PCDHGB3: variants seen among roughly 807,000 people sequenced by gnomAD.
PCDHGB3 encodes the protein protocadherin gamma subfamily B, 3.
PCDHGB3 carries 40 observed loss-of-function variants against 59.2 expected under a neutral mutation model. That is an observed-to-expected ratio of 0.68 (90% CI 0.52 to 0.88). The LOEUF is 0.88. Among genes scored for constraint, PCDHGB3 ranks in the 40% least tolerant of loss-of-function variants. The pLI is 0.00. For synonymous variants in PCDHGB3, 581 were observed against 503.6 expected, an observed-to-expected ratio of 1.15 and a Z score of -2.06; for missense variants, 1,309 against 1,187.9, an observed-to-expected ratio of 1.10 and a Z score of -1.50.
Position 141,458,657 on chromosome 5 carries a change from C to T in PCDHGB3, c.2416-36150C>T, listed in dbSNP as rs1214452360. On this transcript the variant is annotated intron_variant, in intron 1 of 3. Coordinates refer to ENST00000576222, the MANE Select transcript of PCDHGB3 (RefSeq NM_018924.5). ...CAATCCCAGCTCACTGCAACCTCCA[C>T]CTCTCGGGTTCAAGCAATTCTACTG... Among the ~76,000 whole-genome samples, 6 of 152,276 alleles carry T rather than the reference C, an allele frequency of 3.9e-5. No homozygotes were observed. In the East Asian group the frequency reaches 9.6e-4, roughly 24 times the overall value.
chr5:141,440,451 A>G (rs2098179077), intron 1 of PCDHGB3: 1 of 152,230 alleles, frequency 6.6e-6, no homozygotes, highest in Non-Finnish European at 1.5e-5. Flanking sequence ...CATCTCAAAA[A>G]AAATGAACAA....
intron 1 of PCDHGB3, among the ~76,000 whole-genome samples, chr5:141,443,866 T>C (rs1017854695): frequency 6.6e-6 from 1 of 151,986 alleles, no homozygotes; most frequent in Non-Finnish European, 1.5e-5. Context: ...ACTGAAAAAA[T>C]TACTGATAAG....
At chr5:141,409,988 GC>G in intron 1 of PCDHGB3, 1 of 1,613,278 alleles carries the variant, frequency 6.2e-7, no homozygotes, top group Non-Finnish European at 8.5e-7. Flanking sequence ...AGCGGTGGAC[GC>G]CGACTCGGGA....
At chr5:141,383,218 A>C in intron 1 of PCDHGB3, 1 of 1,614,020 alleles carries the variant, frequency 6.2e-7, no homozygotes, top group Non-Finnish European at 8.5e-7. Context: ...GGTAAACTTT[A>C]ACATCCTGAT....
intron 1 of PCDHGB3, chr5:141,415,605 G>T: frequency 1.2e-6 from 2 of 1,613,122 alleles, no homozygotes; most frequent in Non-Finnish European, 1.7e-6. Flanking sequence ...ATACCCCATT[G>T]GTTCCAGTGA....
At position 141,388,660 on chromosome 5, in the gene PCDHGB3, C is replaced by A. The variant is rs762083225; in HGVS notation, c.2415+15851C>A. 5.0e-6 allele frequency: 8 copies of A among 1,613,714 alleles called. No individual in the cohort carries two copies. The South Asian group carries it at 8.8e-5, about 18-fold the overall frequency. On this transcript the variant is annotated intron_variant, in intron 1 of 3. Transcript: ENST00000576222. Reference sequence around the variant, plus strand: ...CTTTCAGAAAACGTGTACCCGGGGACCACGGTGCTACAGGTGACTGCCACG... The same window carrying A: ...CTTTCAGAAAACGTGTACCCGGGGAACACGGTGCTACAGGTGACTGCCACG...
At chr5:141,389,500 C>A in intron 1 of PCDHGB3, 1 of 1,613,056 alleles carries the variant, frequency 6.2e-7, no homozygotes, top group Non-Finnish European at 8.5e-7. Context: ...GGCTCGCCAG[C>A]GCTCAGCGCG....
intron 1 of PCDHGB3, among the ~76,000 whole-genome samples, chr5:141,425,048 T>C (rs1590618422): frequency 6.6e-6 from 1 of 152,350 alleles, no homozygotes; most frequent in African/African-American, 2.4e-5. Flanking sequence ...AAACTGACTA[T>C]CTAGGGCTCG....
chr5:141,403,442 G>A, intron 1 of PCDHGB3: 2 of 1,614,024 alleles, frequency 1.2e-6, no homozygotes, highest in Admixed American at 1.7e-5. Flanking sequence ...GGATGTTGGC[G>A]TGAACTCCCT....
At chr5:141,410,722 ATCC>A (rs2154543211) in intron 1 of PCDHGB3, 21 of 1,396,054 alleles carry the variant, frequency 1.5e-5, no homozygotes, top group Non-Finnish European at 2.0e-5. Context: ...TATGTTTAAA[ATCC>A]ATAGCTTTTT....
chr5:141,503,440 C>A (rs1185892958), intron 2 of PCDHGB3, among the ~76,000 whole-genome samples: 2 of 151,694 alleles, frequency 1.3e-5, no homozygotes, highest in African/African-American at 4.8e-5. Context: ...ACTAAAAATA[C>A]AAAAATTCGC....
intron 1 of PCDHGB3, chr5:141,375,214 C>A: frequency 6.2e-7 from 1 of 1,613,928 alleles, no homozygotes. Flanking sequence ...GAGACTCTGG[C>A]CTGAATGGCC....
intron 1 of PCDHGB3, chr5:141,379,738 A>T (rs1218280067): frequency 1.3e-5 from 2 of 152,158 alleles, no homozygotes; most frequent in Non-Finnish European, 2.9e-5. Flanking sequence ...GTTATGGCTA[A>T]ATGAGGTTCT....
chr5:141,490,030 C>G lies in PCDHGB3; in HGVS notation c.2416-4777C>G, dbSNP rs1361758608. The G allele has an allele frequency of 1.2e-6, 2 of 1,614,150 alleles. No individual in the cohort carries two copies. Among genetic ancestry groups the G allele is most frequent in the African/African-American group, 2.7e-5 (2 of 74,936 alleles). The stretch of plus-strand genomic sequence containing the variant: ...ACCCATTGGTACTCTGCTGCTCCGC[C>G]TCAATGCCACTGATCCAGACGAGGG... On this transcript the variant is annotated intron_variant, in intron 1 of 3. Coordinates refer to ENST00000576222, the MANE Select transcript of PCDHGB3 (RefSeq NM_018924.5). This position sits in a 1 kb window ranked among gnomAD's most constrained non-coding sequence, Gnocchi z 5.4.
rs755499740 is a variant in PCDHGB3 at position 141,389,751 on chromosome 5, G to C, written c.2415+16942G>C. 1.9e-6 allele frequency: 3 copies of C among 1,612,800 alleles called. No individual in the cohort carries two copies. The highest frequency in any genetic ancestry group is 1.1e-5 in the South Asian group (1 of 91,032). ...CTTCAGCCTGGGGCTGCGCACGGGC[G>C]AAGTGCGCACAGCGCGTGCCTTAGG... On this transcript the variant is annotated intron_variant, in intron 1 of 3. Coordinates refer to ENST00000576222, the MANE Select transcript of PCDHGB3 (RefSeq NM_018924.5).
chr5:141,384,346 G>A (rs992832645), intron 1 of PCDHGB3: 3 of 1,613,746 alleles, frequency 1.9e-6, no homozygotes, highest in Non-Finnish European at 2.5e-6. Context: ...CGACAGTGAG[G>A]ATAATGCCCA....
chr5:141,373,528 A>C lies in PCDHGB3; in HGVS notation c.2415+719A>C, dbSNP rs186719526. Among the ~76,000 whole-genome samples, 616 of 152,300 alleles carry C rather than the reference A, an allele frequency of 4.0e-3. 6 individuals are homozygous for C. The highest frequency in any genetic ancestry group is 0.011 in the Admixed American group (171 of 15,302). On this transcript the variant is annotated intron_variant, in intron 1 of 3. Transcript: ENST00000576222. ...ACAGAGCGAGACTTTGTCTCCAAAA[A>C]AGTGTTTGTGGTTGTTGGTACCCTT...
chr5:141,504,200 G>C (rs1232187138), intron 2 of PCDHGB3, among the ~76,000 whole-genome samples: 1 of 152,154 alleles, frequency 6.6e-6, no homozygotes, highest in Non-Finnish European at 1.5e-5. Context: ...TTGTCACTGT[G>C]GGAAAATTCC....
Position 141,371,947 on chromosome 5 carries a change from G to C in PCDHGB3, c.1553G>C (p.Arg518Pro). ...SARSGVVFAQ[R>P]AFDHEQLRAF... ...CGGAGCGGGGTGGTGTTCGCGCAGC[G>C]AGCCTTCGACCACGAGCAGCTGCGT... The change falls in exon 1 of 4, where the codon CGA becomes CCA. Residue 518 changes from arginine (R) to proline (P), a missense_variant. Coordinates refer to ENST00000576222, the MANE Select transcript of PCDHGB3 (RefSeq NM_018924.5). 1 of 1,613,300 alleles carries C rather than the reference G, an allele frequency of 6.2e-7. No individual in the cohort carries two copies. The highest frequency in any genetic ancestry group is 8.5e-7 in the Non-Finnish European group (1 of 1,179,886).
Sources: allele counts gnomAD v4.1 joint callset (sites outside exome capture counted in the v4.1 genomes callset), GRCh38; gene constraint gnomAD v4.1.1; non-coding constraint Gnocchi (gnomAD v3.1); transcripts MANE v1.5; gene names NCBI Gene and HGNC (gene_info 2026-07-23, HGNC 2026-07-21).